Variants in VASN observed in about 807,000 individuals in gnomAD.
VASN encodes vasorin.
A neutral mutation model predicts 4.8 loss-of-function variants in VASN; 5 were observed. That is an observed-to-expected ratio of 1.03 (90% CI 0.54 to 2.17). The LOEUF is 2.17. Among genes scored for constraint, VASN ranks in the 30% most tolerant of loss-of-function variants. The pLI is 0.01. For synonymous variants in VASN, 499 were observed against 460.8 expected (o/e 1.08, Z -1.06); for missense variants, 927 against 948.8 (o/e 0.98, Z 0.30).
At chr16:4,373,645 C>A (rs1194333048) in intron 1 of VASN, among the ~76,000 whole-genome samples, 1 of 152,162 alleles carries the variant, frequency 6.6e-6, no homozygotes. Flanking sequence ...TCCTAGCTCC[C>A]ATTACTGTCA....
intron 1 of VASN, among the ~76,000 whole-genome samples, chr16:4,377,998 C>G (rs2054809391): frequency 6.6e-6 from 1 of 152,200 alleles, no homozygotes; most frequent in Non-Finnish European, 1.5e-5. Flanking sequence ...ACAGCATCCC[C>G]TCTCCCTTCA....
At chr16:4,377,641 C>G (rs2054789490) in intron 1 of VASN, among the ~76,000 whole-genome samples, 1 of 152,210 alleles carries the variant, frequency 6.6e-6, no homozygotes, top group South Asian at 2.1e-4. Context: ...TCAGCCTTCC[C>G]TCGCTGGGTT....
chr16:4,377,909 CCT>C (rs1282357373), intron 1 of VASN, among the ~76,000 whole-genome samples: 1 of 152,190 alleles, frequency 6.6e-6, no homozygotes, highest in Non-Finnish European at 1.5e-5. Context: ...GACCTAGACC[CCT>C]GTCCTGCTAA....
At position 4,382,939 on chromosome 16, in the gene VASN, C is replaced by T; in HGVS notation, c.*40C>T. On this transcript the variant is annotated 3_prime_UTR_variant, in exon 2 of 2. Transcript: ENST00000304735. ...GGGCAGCTGGGGCCGGGCTCTCAGC[C>T]AGTGAGATGGCCAGCCCCCTCCTGC... 6.9e-7 allele frequency: 1 copy of T among 1,456,020 alleles called. No individual in the cohort carries two copies. The highest frequency in any genetic ancestry group is 9.1e-7 in the Non-Finnish European group (1 of 1,102,994). The allele number at this position is 1,456,020 out of a possible 1,614,324, so 90.2% of individuals were successfully genotyped here. A position where few individuals can be genotyped will look rare whatever the true frequency, so the allele number is the denominator to read the frequency against.
rs181576686 is a variant in VASN at position 4,376,573 on chromosome 16, G to A, written c.-9-4296G>A. Among the ~76,000 whole-genome samples the A allele has an allele frequency of 1.1e-4, 16 of 152,268 alleles. No individual in the cohort carries two copies. In the East Asian group the frequency reaches 3.1e-3, roughly 29 times the overall value. On this transcript the variant is annotated intron_variant, in intron 1 of 1. Transcript: ENST00000304735. ...GAATCAGTGAGATGTTCTCGCCAGG[G>A]GCTGATGTGGTCACCAGATGCCTGG... is the stretch of plus-strand genomic sequence containing the variant.
In VASN at chr16:4,381,554, A is replaced by G. The variant is rs1200720951; in HGVS notation, c.677A>G (p.Asn226Ser). The G allele has an allele frequency of 1.9e-6, 3 of 1,605,332 alleles. No individual in the cohort carries two copies. The highest frequency in any genetic ancestry group is 1.1e-5 in the South Asian group (1 of 89,796). ...RNLHDLDVSD[N>S]QLERVPPVIR... Reference sequence around the variant, plus strand: ...CTCCACGACCTGGATGTGTCCGACAACCAGCTGGAGCGAGTGCCACCTGTG... The same window carrying G: ...CTCCACGACCTGGATGTGTCCGACAGCCAGCTGGAGCGAGTGCCACCTGTG... The change falls in exon 2 of 2, where the codon AAC becomes AGC. Residue 226 changes from asparagine to serine, a missense_variant. Coordinates refer to ENST00000304735, the MANE Select transcript of VASN (RefSeq NM_138440.3).
In VASN at chr16:4,381,382, C is replaced by T. The variant is rs752771700; in HGVS notation, c.505C>T (p.Pro169Ser). 1.3e-6 allele frequency: 2 copies of T among 1,589,536 alleles called. No homozygotes were observed. The highest frequency in any genetic ancestry group is 4.6e-5 in the East Asian group (2 of 43,054). The change falls in exon 2 of 2, where the codon CCC becomes TCC. Residue 169 changes from proline to serine, a missense_variant. Pro to Ser is a moderately conservative substitution (Grantham distance 74). Transcript: ENST00000304735. ...ELRALPPLRL[P>S]RLLLLDLSHN... ...GCGGGCACTGCCCCCGCTGCGCCTG[C>T]CCCGCCTGCTGCTGCTGGACCTCAG...
At chr16:4,376,821 G>A (rs912584657) in intron 1 of VASN, among the ~76,000 whole-genome samples, 11 of 152,202 alleles carry the variant, frequency 7.2e-5, no homozygotes, top group Admixed American at 1.3e-4. Flanking sequence ...CCCCACCCCC[G>A]CTCCCCAGCC....
At chr16:4,380,039 C>T (rs1036039451) in intron 1 of VASN, among the ~76,000 whole-genome samples, 1 of 145,414 alleles carries the variant, frequency 6.9e-6, no homozygotes, top group Non-Finnish European at 1.5e-5. Context: ...GCTTGGGTGA[C>T]AGAGCAAGAC....
Position 4,381,643 on chromosome 16 carries a change from C to A in VASN, c.766C>A (p.Arg256=). ...CGGCAACACCCGCATTGCCCAGCTG[C>A]GGCCCGAGGACCTGGCCGGCCTGGC... ...LAGNTRIAQL[R]PEDLAGLAAL... is the part of the protein sequence containing the mutation. The change falls in exon 2 of 2, where the codon CGG becomes AGG. Residue 256 remains arginine, a synonymous_variant. Transcript: ENST00000304735. The A allele has an allele frequency of 6.3e-7, 1 of 1,599,860 alleles. No individual in the cohort carries two copies. The highest frequency in any genetic ancestry group is 8.5e-7 in the Non-Finnish European group (1 of 1,174,048).
intron 1 of VASN, among the ~76,000 whole-genome samples, chr16:4,376,344 G>A (rs2054730387): frequency 6.6e-6 from 1 of 152,202 alleles, no homozygotes; most frequent in East Asian, 1.9e-4. Context: ...TCCCGGGGCT[G>A]GGCTGCTGCC....
intron 1 of VASN, among the ~76,000 whole-genome samples, chr16:4,379,061 C>T (rs2054858894): frequency 6.6e-6 from 1 of 152,072 alleles, no homozygotes; most frequent in Admixed American, 6.5e-5. Flanking sequence ...GGACCACCTG[C>T]TCCTCCTCAC....
chr16:4,381,034 G>A lies in VASN; in HGVS notation c.157G>A (p.Asp53Asn), dbSNP rs755008432. ...CACGGTGCCCCGAGACGTGCCACCC[G>A]ACACGGTGGGGCTGTACGTCTTTGA... ...GTTVPRDVPP[D>N]TVGLYVFENG... The change falls in exon 2 of 2, where the codon GAC (aspartate) becomes AAC (asparagine). Residue 53 changes from aspartate (D) to asparagine (N), a missense_variant. Coordinates refer to ENST00000304735, the MANE Select transcript of VASN (RefSeq NM_138440.3). The A allele has an allele frequency of 1.1e-5, 18 of 1,610,198 alleles. No homozygotes were observed. Among genetic ancestry groups the A allele is most frequent in the South Asian group, 8.8e-5 (8 of 90,670 alleles).
At position 4,383,294 on chromosome 16, in the gene VASN, G is replaced by A. The variant is rs1298922425; in HGVS notation, c.*395G>A. The A allele has an allele frequency of 3.1e-5, 7 of 226,778 alleles. No homozygotes were observed. The highest frequency in any genetic ancestry group is 1.6e-3 in the Middle Eastern group (1 of 640). The allele number at this position is 226,778 out of a possible 1,614,324, so 14.0% of individuals were successfully genotyped here. A position where few individuals can be genotyped will look rare whatever the true frequency, so the allele number is the denominator to read the frequency against. On this transcript the variant is annotated 3_prime_UTR_variant, in exon 2 of 2. Coordinates refer to ENST00000304735, the MANE Select transcript of VASN (RefSeq NM_138440.3). ...AAGAGCAGAGGGAGAGCGGGTAGGC[G>A]GCTGTGTGACTCTAGTCTTGGCCCC...
At chr16:4,374,490 A>G (rs2054648139) in intron 1 of VASN, among the ~76,000 whole-genome samples, 2 of 152,090 alleles carry the variant, frequency 1.3e-5, no homozygotes, top group Admixed American at 6.5e-5. Flanking sequence ...AGGTTCTGAC[A>G]TTCCTCAGGG....
In VASN at chr16:4,381,613, C is replaced by T. The variant is rs763447567; in HGVS notation, c.736C>T (p.Leu246=). The stretch of plus-strand genomic sequence containing the variant: ...CCTCCGGGGCCTGACGCGCCTGCGG[C>T]TGGCCGGCAACACCCGCATTGCCCA... ...RGLRGLTRLR[L]AGNTRIAQLR... Residue 246 remains leucine (L), a synonymous_variant, in exon 2 of 2, where the codon CTG becomes TTG. Transcript: ENST00000304735. 18 of 1,598,242 alleles carry T rather than the reference C, an allele frequency of 1.1e-5. No homozygotes were observed. The South Asian group carries it at 1.9e-4, about 17-fold the overall frequency.
rs1451640213 is a variant in VASN at position 4,383,187 on chromosome 16, T to C, written c.*288T>C. 1 of 394,946 alleles carries C rather than the reference T, an allele frequency of 2.5e-6. No individual in the cohort carries two copies. The highest frequency in any genetic ancestry group is 2.1e-5 in the African/African-American group (1 of 47,732). 24.5% of individuals were successfully genotyped at this position (394,946 alleles called of 1,614,324 possible). Reference sequence around the variant, plus strand: ...TCCCTGGGCACGGCGGGCCCTGCCATGTGCTGGTAACGCATGCCTGGGCCC... The same window carrying C: ...TCCCTGGGCACGGCGGGCCCTGCCACGTGCTGGTAACGCATGCCTGGGCCC... On this transcript the variant is annotated 3_prime_UTR_variant, in exon 2 of 2. Transcript: ENST00000304735.
At chr16:4,377,351 T>TGGGA (rs1268754603) in intron 1 of VASN, among the ~76,000 whole-genome samples, 1 of 9,446 alleles carries the variant, frequency 1.1e-4, no homozygotes, top group Non-Finnish European at 2.3e-4. Flanking sequence ...GATCACCGGG[T>TGGGA]GGGAGGGTGG....
At chr16:4,378,235 C>T (rs771326722) in intron 1 of VASN, among the ~76,000 whole-genome samples, 13 of 152,172 alleles carry the variant, frequency 8.5e-5, no homozygotes, top group Non-Finnish European at 1.6e-4. Flanking sequence ...TCACTGTCTG[C>T]GGCCTCACAG....
Sources: allele counts gnomAD v4.1 joint callset (sites outside exome capture counted in the v4.1 genomes callset), GRCh38; gene constraint gnomAD v4.1.1; transcripts MANE v1.5; gene names NCBI Gene and HGNC (gene_info 2026-07-23, HGNC 2026-07-21).